Variants in HSD17B8 observed in about 807,000 individuals in gnomAD.
HSD17B8 encodes the protein (3R)-3-hydroxyacyl-CoA dehydrogenase.
A neutral mutation model predicts 33.2 loss-of-function variants in HSD17B8; 23 were observed. That is an observed-to-expected ratio of 0.69 (90% CI 0.50 to 0.98). The LOEUF is 0.98. HSD17B8 is among the 50% of genes least tolerant of loss of function. The probability of loss-of-function intolerance (pLI) is 0.00; values close to 1 mark genes in which losing one functional copy is unlikely to be tolerated. For synonymous variants in HSD17B8, 137 were observed against 138.6 expected (o/e 0.99, Z 0.08); for missense variants, 345 against 347.5 (o/e 0.99, Z 0.06).
Position 33,206,746 on chromosome 6 carries a change from G to A in HSD17B8, c.*92G>A. ...CTCTAAGTTCCCAGGATACAAAAGG[G>A]GTGGCAGTGTATGGTTCAGGAATGC... is the stretch of plus-strand genomic sequence containing the variant. On this transcript the variant is annotated 3_prime_UTR_variant, in exon 9 of 9. Coordinates refer to ENST00000374662, the MANE Select transcript of HSD17B8 (RefSeq NM_014234.5). This position sits in a 1 kb window ranked among gnomAD's most constrained non-coding sequence, Gnocchi z 6.2. 6 of 1,346,652 alleles carry A rather than the reference G, an allele frequency of 4.5e-6. No individual in the cohort carries two copies. The highest frequency in any genetic ancestry group is 6.4e-6 in the Non-Finnish European group (6 of 936,614). 83.4% of individuals were successfully genotyped at this position (1,346,652 alleles called of 1,614,324 possible).
Position 33,205,925 on chromosome 6 carries a change from G to C in HSD17B8, c.651+13G>C, listed in dbSNP as rs745622642. 21 of 1,599,770 alleles carry C rather than the reference G, an allele frequency of 1.3e-5. No homozygotes were observed. The highest frequency in any genetic ancestry group is 1.5e-5 in the Non-Finnish European group (18 of 1,168,068). ...AGTGGTGGACAAGGTAGGAGGCTGT[G>C]GGTGGAGGGCAGAATCATTCAGAGA... is the stretch of plus-strand genomic sequence containing the variant. On this transcript the variant is annotated intron_variant, in intron 6 of 8. Transcript: ENST00000374662. This position sits in a 1 kb window ranked among gnomAD's most constrained non-coding sequence, Gnocchi z 5.0.
chr6:33,205,906 G>A lies in HSD17B8; in HGVS notation c.645G>A (p.Val215=), dbSNP rs1433077483. ...PMTQKVPQKV[V]DKITEMIPMG... is the part of the protein sequence containing the mutation. ...CACAGAAAGTGCCACAGAAAGTGGT[G>A]GACAAGGTAGGAGGCTGTGGGTGGA... The change falls in exon 6 of 9, where the codon GTG becomes GTA. Residue 215 remains valine (V), a synonymous_variant. Transcript: ENST00000374662. This position sits in a 1 kb window ranked among gnomAD's most constrained non-coding sequence, Gnocchi z 5.0. The A allele has an allele frequency of 1.2e-6, 2 of 1,611,754 alleles. No homozygotes were observed. Among genetic ancestry groups the A allele is most frequent in the African/African-American group, 2.7e-5 (2 of 74,870 alleles).
Position 33,205,934 on chromosome 6 carries a change from G to A in HSD17B8, c.651+22G>A, listed in dbSNP as rs1285323568. The A allele has an allele frequency of 7.6e-6, 12 of 1,578,992 alleles. No individual in the cohort carries two copies. Among genetic ancestry groups the A allele is most frequent in the South Asian group, 2.2e-5 (2 of 90,324 alleles). On this transcript the variant is annotated intron_variant, in intron 6 of 8. Coordinates refer to ENST00000374662, the MANE Select transcript of HSD17B8 (RefSeq NM_014234.5). The surrounding 1 kb of genome is among the most constrained non-coding windows in gnomAD (Gnocchi z 5.0). ...CAAGGTAGGAGGCTGTGGGTGGAGG[G>A]CAGAATCATTCAGAGACTCAATCTC...
rs1774979432 is a variant in HSD17B8, at chr6:33,205,633, C to T, written c.481-7C>T. ...TGACTCATTCCACATCTCTGACTCA[C>T]CTATAGGTGGGGAACGTGGGGCAGA... On this transcript the variant is annotated splice_polypyrimidine_tract_variant and splice_region_variant and intron_variant, in intron 4 of 8. Transcript: ENST00000374662. The surrounding 1 kb of genome is among the most constrained non-coding windows in gnomAD (Gnocchi z 5.0). 10 of 1,613,008 alleles carry T rather than the reference C, an allele frequency of 6.2e-6. No individual in the cohort carries two copies. The highest frequency in any genetic ancestry group is 1.7e-5 in the Admixed American group (1 of 60,018).
chr6:33,206,472 G>T lies in HSD17B8; in HGVS notation c.769+23G>T, dbSNP rs1775072353. ...CTGGTATGAGGCCAGCATGGGGAGG[G>T]AGAGGGCAGAGAAGTAGAACCCAGA... is the stretch of plus-strand genomic sequence containing the variant. On this transcript the variant is annotated intron_variant, in intron 8 of 8. Coordinates refer to ENST00000374662, the MANE Select transcript of HSD17B8 (RefSeq NM_014234.5). This position sits in a 1 kb window ranked among gnomAD's most constrained non-coding sequence, Gnocchi z 6.2. 6.2e-7 allele frequency: 1 copy of T among 1,603,036 alleles called. No individual in the cohort carries two copies. The highest frequency in any genetic ancestry group is 1.3e-5 in the African/African-American group (1 of 74,656).
Position 33,206,123 on chromosome 6 carries a change from T to C in HSD17B8, c.652-11T>C, listed in dbSNP as rs1270333385. ...AAAGAAGCTTTCACCCACATGAGTA[T>C]TTCCTTACAGATTACTGAAATGATC... On this transcript the variant is annotated splice_polypyrimidine_tract_variant and intron_variant, in intron 6 of 8. Transcript: ENST00000374662. The surrounding 1 kb of genome is among the most constrained non-coding windows in gnomAD (Gnocchi z 6.2). The C allele has an allele frequency of 1.9e-6, 3 of 1,612,510 alleles. No individual in the cohort carries two copies. The Admixed American group carries it at 5.0e-5, about 27-fold the overall frequency.
rs759072636 is a variant in HSD17B8 at position 33,205,169 on chromosome 6, T to C, written c.270+50T>C. ...TCTAAAGCTCTGATATTGCCTCCACTGCCCCGGCTTTTTGTGGGGGGTTTT... is the reference window on the plus strand; with the variant it reads ...TCTAAAGCTCTGATATTGCCTCCACCGCCCCGGCTTTTTGTGGGGGGTTTT... On this transcript the variant is annotated intron_variant, in intron 2 of 8. Transcript: ENST00000374662. The surrounding 1 kb of genome is among the most constrained non-coding windows in gnomAD (Gnocchi z 5.0). 7 of 1,606,968 alleles carry C rather than the reference T, an allele frequency of 4.4e-6. No homozygotes were observed. The highest frequency in any genetic ancestry group is 5.1e-6 in the Non-Finnish European group (6 of 1,175,758).
Position 33,205,489 on chromosome 6 carries a change from T to A in HSD17B8, c.430T>A (p.Ser144Thr). The A allele has an allele frequency of 6.2e-7, 1 of 1,613,090 alleles. No individual in the cohort carries two copies. The change falls in exon 4 of 9, where the codon TCC becomes ACC. Residue 144 changes from serine to threonine, a missense_variant. By Grantham distance (58) the Ser-to-Thr change is moderately conservative. Transcript: ENST00000374662. The surrounding 1 kb of genome is among the most constrained non-coding windows in gnomAD (Gnocchi z 5.0). ...VTQAAAQALV[S>T]NGCRGSIINI... The stretch of plus-strand genomic sequence containing the variant: ...TCAGGCTGCAGCACAAGCCCTGGTG[T>A]CCAATGGTTGTCGTGGTTCCATCAT...
chr6:33,205,197 A>T lies in HSD17B8; in HGVS notation c.271-24A>T. ...CCCGGCTTTTTGTGGGGGGTTTTTG[A>T]TGCGTAACCTCCCCCTCCCATAGGC... On this transcript the variant is annotated intron_variant, in intron 2 of 8. Coordinates refer to ENST00000374662, the MANE Select transcript of HSD17B8 (RefSeq NM_014234.5). This position sits in a 1 kb window ranked among gnomAD's most constrained non-coding sequence, Gnocchi z 5.0. 1 of 1,610,486 alleles carries T rather than the reference A, an allele frequency of 6.2e-7. No individual in the cohort carries two copies. Among genetic ancestry groups the T allele is most frequent in the Non-Finnish European group, 8.5e-7 (1 of 1,178,094 alleles).
Position 33,205,302 on chromosome 6 carries a change from G to T in HSD17B8, c.352G>T (p.Asp118Tyr). 1 of 1,613,462 alleles carries T rather than the reference G, an allele frequency of 6.2e-7. No individual in the cohort carries two copies. The highest frequency in any genetic ancestry group is 8.5e-7 in the Non-Finnish European group (1 of 1,180,000). The change falls in exon 3 of 9, where the codon GAT becomes TAT. Residue 118 changes from aspartate (D) to tyrosine (Y), a missense_variant. Asp to Tyr is a radical substitution (Grantham distance 160). Coordinates refer to ENST00000374662, the MANE Select transcript of HSD17B8 (RefSeq NM_014234.5). This position sits in a 1 kb window ranked among gnomAD's most constrained non-coding sequence, Gnocchi z 5.0. The part of the protein sequence containing the change: ...QDEFLLHMSE[D>Y]DWDKVIAVNL... ...TGAGTTTCTGCTGCACATGTCTGAG[G>T]ATGACTGGGACAAAGTCATAGCTGT...
In HSD17B8 at chr6:33,205,190, G is replaced by T. The variant is rs201761806; in HGVS notation, c.271-31G>T. On this transcript the variant is annotated intron_variant, in intron 2 of 8. Transcript: ENST00000374662. This position sits in a 1 kb window ranked among gnomAD's most constrained non-coding sequence, Gnocchi z 5.0. Reference sequence around the variant, plus strand: ...CCACTGCCCCGGCTTTTTGTGGGGGGTTTTTGATGCGTAACCTCCCCCTCC... The same window carrying T: ...CCACTGCCCCGGCTTTTTGTGGGGGTTTTTTGATGCGTAACCTCCCCCTCC... 83 of 1,608,854 alleles carry T rather than the reference G, an allele frequency of 5.2e-5. No homozygotes were observed. Among genetic ancestry groups the T allele is most frequent in the Admixed American group, 6.7e-5 (4 of 59,826 alleles).
rs779112327 is a variant in HSD17B8 at position 33,205,299 on chromosome 6, G to A, written c.349G>A (p.Glu117Lys). The change falls in exon 3 of 9, where the codon GAG becomes AAG. Residue 117 changes from glutamate to lysine, a missense_variant. Glu to Lys is a moderately conservative substitution (Grantham distance 56). Transcript: ENST00000374662. The surrounding 1 kb of genome is among the most constrained non-coding windows in gnomAD (Gnocchi z 5.0). ...GGATGAGTTTCTGCTGCACATGTCT[G>A]AGGATGACTGGGACAAAGTCATAGC... is the stretch of plus-strand genomic sequence containing the variant. ...TQDEFLLHMS[E>K]DDWDKVIAVN... is the part of the protein sequence containing the mutation. The A allele has an allele frequency of 6.2e-7, 1 of 1,613,460 alleles. No homozygotes were observed. The highest frequency in any genetic ancestry group is 1.1e-5 in the South Asian group (1 of 91,086).
rs773380800 is a variant in HSD17B8 at position 33,204,691 on chromosome 6, G to T, written c.23G>T (p.Arg8Leu). ...GCCATGGCGTCTCAGCTCCAGAACC[G>T]ACTCCGCTCCGCACTGGCCTTGGTC... is the stretch of plus-strand genomic sequence containing the variant. MASQLQN[R>L]LRSALALVTG... is the part of the protein sequence containing the mutation. The change falls in exon 1 of 9, where the codon CGA (arginine) becomes CTA (leucine). Residue 8 changes from arginine to leucine, a missense_variant. Arg to Leu is a moderately radical substitution (Grantham distance 102). Transcript: ENST00000374662. The T allele has an allele frequency of 1.3e-6, 2 of 1,569,064 alleles. No homozygotes were observed. Among genetic ancestry groups the T allele is most frequent in the Admixed American group, 1.7e-5 (1 of 58,564 alleles).
Position 33,205,721 on chromosome 6 carries a change from G to C in HSD17B8, c.562G>C (p.Gly188Arg), listed in dbSNP as rs778445111. 6.2e-7 allele frequency: 1 copy of C among 1,613,090 alleles called. No individual in the cohort carries two copies. The highest frequency in any genetic ancestry group is 8.5e-7 in the Non-Finnish European group (1 of 1,180,022). ...GLTQTAAREL[G>R]RHGIRCNSVL... Reference sequence around the variant, plus strand: ...GACCCAGACCGCAGCCCGGGAGCTTGGACGGTTGGTCAGATGCTTGAGGGT... The same window carrying C: ...GACCCAGACCGCAGCCCGGGAGCTTCGACGGTTGGTCAGATGCTTGAGGGT... Residue 188 changes from glycine to arginine, a missense_variant, in exon 5 of 9, where the codon GGA becomes CGA. By Grantham distance (125) the Gly-to-Arg change is moderately radical (BLOSUM62 -2). Coordinates refer to ENST00000374662, the MANE Select transcript of HSD17B8 (RefSeq NM_014234.5). This position sits in a 1 kb window ranked among gnomAD's most constrained non-coding sequence, Gnocchi z 5.0.
rs1230632228 is a variant in HSD17B8, at chr6:33,205,441, C to T, written c.388-6C>T. 19 of 1,612,912 alleles carry T rather than the reference C, an allele frequency of 1.2e-5. No individual in the cohort carries two copies. The highest frequency in any genetic ancestry group is 1.6e-5 in the Non-Finnish European group (19 of 1,179,914). On this transcript the variant is annotated splice_polypyrimidine_tract_variant and splice_region_variant and intron_variant, in intron 3 of 8. Transcript: ENST00000374662. The surrounding 1 kb of genome is among the most constrained non-coding windows in gnomAD (Gnocchi z 5.0). ...TCTTTTCTCCCTTGTTACCCTTTCC[C>T]GCCAGGGCACCTTCCTAGTCACTCA...
rs183728488 is a variant in HSD17B8 at position 33,205,333 on chromosome 6, T to C, written c.383T>C (p.Leu128Pro). The change falls in exon 3 of 9, where the codon CTC (leucine) becomes CCC (proline). Residue 128 changes from leucine to proline, a missense_variant. Physicochemically the swap from Leu to Pro is moderately conservative, Grantham distance 98. Coordinates refer to ENST00000374662, the MANE Select transcript of HSD17B8 (RefSeq NM_014234.5). This position sits in a 1 kb window ranked among gnomAD's most constrained non-coding sequence, Gnocchi z 5.0. Reference protein sequence around the residue: ...DDWDKVIAVNLKGTFLVTQAA... With the variant: ...DDWDKVIAVNPKGTFLVTQAA... ...TGGGACAAAGTCATAGCTGTCAACC[T>C]CAAGGTGGCGATCTCTGAACCTGCG... 6.2e-7 allele frequency: 1 copy of C among 1,612,950 alleles called. No homozygotes were observed. Among genetic ancestry groups the C allele is most frequent in the South Asian group, 1.1e-5 (1 of 91,070 alleles).
Position 33,206,501 on chromosome 6 carries a change from T to C in HSD17B8, c.769+52T>C, listed in dbSNP as rs573450477. The C allele has an allele frequency of 1.7e-3, 2,712 of 1,578,008 alleles. 47 individuals carry two copies. The South Asian group carries it at 0.027, about 15-fold the overall frequency. ...GGGCAGAGAAGTAGAACCCAGACTA[T>C]ATGAGAAAGCAAGTAAGGGGAGTCT... On this transcript the variant is annotated intron_variant, in intron 8 of 8. Transcript: ENST00000374662. This position sits in a 1 kb window ranked among gnomAD's most constrained non-coding sequence, Gnocchi z 6.2.
Position 33,205,800 on chromosome 6 carries a change from G to C in HSD17B8, c.567-28G>C. 1 of 1,612,100 alleles carries C rather than the reference G, an allele frequency of 6.2e-7. No individual in the cohort carries two copies. Among genetic ancestry groups the C allele is most frequent in the Non-Finnish European group, 8.5e-7 (1 of 1,179,148 alleles). On this transcript the variant is annotated intron_variant, in intron 5 of 8. Transcript: ENST00000374662. This position sits in a 1 kb window ranked among gnomAD's most constrained non-coding sequence, Gnocchi z 5.0. ...AGGTACCAGCATTCAGCCCTCTCCA[G>C]AATCGGCAGCCACTCTCCTTCCCAC...
intron 1 of HSD17B8, 65 bp downstream of exon 1, chr6:33,204,785 A>C: frequency 6.3e-7 from 1 of 1,599,930 alleles, no homozygotes; most frequent in South Asian, 1.1e-5. Context: ...GTGCCCTTGG[A>C]GTGCGCGGCC....
Sources: gnomAD v4.1 joint callset for allele counts on GRCh38, gnomAD v4.1.1 for gene constraint, Gnocchi (gnomAD v3.1) non-coding constraint, MANE v1.5 for transcripts, NCBI Gene and HGNC (gene_info 2026-07-23, HGNC 2026-07-21) for gene names.